STRBP: variants seen among roughly 807,000 people sequenced by gnomAD.
The protein encoded by STRBP is spermatid perinuclear RNA-binding protein.
Under a neutral mutation model 80.1 loss-of-function variants are expected in STRBP, and 13 were observed. The ratio of observed to expected loss-of-function variants is 0.16; its 90% confidence interval spans 0.11 to 0.26. The LOEUF is 0.26. Ranked by LOEUF, STRBP falls within the 10% of genes least tolerant of loss-of-function variation. The pLI, the probability that STRBP is intolerant of heterozygous loss-of-function variation, is 1.00. For synonymous variants in STRBP, 284 were observed against 291.2 expected, an observed-to-expected ratio of 0.98 and a Z score of 0.25; for missense variants, 485 against 815.2, an observed-to-expected ratio of 0.59 and a Z score of 4.93.
chr9:123,117,293 A>T (rs2035661511), downstream of STRBP, among the ~76,000 whole-genome samples: 1 of 152,148 alleles, frequency 6.6e-6, no homozygotes, highest in African/African-American at 2.4e-5. Flanking sequence ...GCCCAGAAAG[A>T]GGATGACTTG....
At chr9:123,189,495 C>T (rs903531525) in intron 2 of STRBP, among the ~76,000 whole-genome samples, 17 of 150,268 alleles carry the variant, frequency 1.1e-4, no homozygotes, top group African/African-American at 3.9e-4. Context: ...GGCACGTATA[C>T]ACCATGGAAT....
At chr9:123,141,390 A>C (rs912234462) in intron 13 of STRBP, among the ~76,000 whole-genome samples, 1 of 152,192 alleles carries the variant, frequency 6.6e-6, no homozygotes. Flanking sequence ...GTGCTCAGGT[A>C]ATACTTTACA....
At chr9:123,202,905 T>C (rs1028277002) in intron 2 of STRBP, among the ~76,000 whole-genome samples, 4 of 152,202 alleles carry the variant, frequency 2.6e-5, no homozygotes, top group African/African-American at 4.8e-5. Context: ...TGATGACTTT[T>C]AACCACGTCC....
chr9:123,261,100 A>C (rs1346993541), intron 1 of STRBP, among the ~76,000 whole-genome samples: 2 of 152,194 alleles, frequency 1.3e-5, no homozygotes, highest in African/African-American at 4.8e-5. Context: ...TATAGTACCA[A>C]TAACGTTCTT....
chr9:123,187,378 G>A (rs2038741015), intron 2 of STRBP, among the ~76,000 whole-genome samples: 1 of 151,902 alleles, frequency 6.6e-6, no homozygotes, highest in African/African-American at 2.4e-5. Flanking sequence ...CCCATGAAAT[G>A]GGCTGACTAG....
intron 14 of STRBP, among the ~76,000 whole-genome samples, chr9:123,139,224 G>A (rs1421360152): frequency 1.3e-5 from 2 of 152,160 alleles, no homozygotes; most frequent in African/African-American, 2.4e-5. Flanking sequence ...ATTGGAAGCA[G>A]CTTCCATGGC....
At chr9:123,193,654 A>G (rs945915236) in intron 2 of STRBP, among the ~76,000 whole-genome samples, 1 of 151,890 alleles carries the variant, frequency 6.6e-6, no homozygotes. Flanking sequence ...TATTTTAGAC[A>G]AACACGCCCC....
downstream of STRBP, chr9:123,109,544 T>A (rs1308972981): frequency 1.3e-5 from 2 of 152,346 alleles, no homozygotes; most frequent in South Asian, 4.1e-4. Context: ...ATGGGGAGAA[T>A]GCAACATGTC....
intron 1 of STRBP, among the ~76,000 whole-genome samples, chr9:123,260,455 C>A (rs2041136892): frequency 6.6e-6 from 1 of 152,160 alleles, no homozygotes. Flanking sequence ...AAAATAACTT[C>A]ATGAGGCATT....
chr9:123,130,966 C>A (rs2036112455), intron 17 of STRBP, among the ~76,000 whole-genome samples: 1 of 151,982 alleles, frequency 6.6e-6, no homozygotes, highest in African/African-American at 2.4e-5. Flanking sequence ...CTTCAGTAGC[C>A]CTTTTTTAAC....
At chr9:123,164,835 A>G (rs563388170) in intron 6 of STRBP, among the ~76,000 whole-genome samples, 50 of 152,312 alleles carry the variant, frequency 3.3e-4, no homozygotes, top group African/African-American at 1.2e-3. Context: ...ACCACTGTCC[A>G]TGCAAAACAC....
chr9:123,246,317 A>T (rs1352614089), intron 1 of STRBP, among the ~76,000 whole-genome samples: 2 of 152,216 alleles, frequency 1.3e-5, no homozygotes, highest in Non-Finnish European at 2.9e-5. Flanking sequence ...ACATAAGAAC[A>T]CCATATACAC....
At chr9:123,157,946 G>T in intron 11 of STRBP, 66 bp downstream of exon 11, 1 of 1,140,276 alleles carries the variant, frequency 8.8e-7, no homozygotes, top group Non-Finnish European at 1.3e-6. Flanking sequence ...TGTAATGAGA[G>T]ATGAATCCCA....
intron 1 of STRBP, among the ~76,000 whole-genome samples, chr9:123,240,863 T>C (rs1321147848): frequency 6.6e-6 from 1 of 152,172 alleles, no homozygotes; most frequent in Non-Finnish European, 1.5e-5. Context: ...GTATATCCAA[T>C]TGATGGCAAA....
chr9:123,254,724 G>A (rs1044463141), intron 1 of STRBP, among the ~76,000 whole-genome samples: 3 of 152,134 alleles, frequency 2.0e-5, no homozygotes, highest in African/African-American at 7.2e-5. Context: ...CTCCGGTGAG[G>A]TGAAAAATAT....
chr9:123,240,238 G>A (rs1037502739), intron 1 of STRBP, among the ~76,000 whole-genome samples: 108 of 151,992 alleles, frequency 7.1e-4, no homozygotes, highest in African/African-American at 2.5e-3. Context: ...CATTATGCTA[G>A]ACCCAGAGTA....
chr9:123,222,614 C>T (rs944245622), intron 2 of STRBP, among the ~76,000 whole-genome samples: 6 of 152,134 alleles, frequency 3.9e-5, no homozygotes, highest in African/African-American at 7.2e-5. Flanking sequence ...AACAATTCTA[C>T]GGCCACTGAT....
At chr9:123,200,762 T>TTTTA (rs1554762956) in intron 2 of STRBP, among the ~76,000 whole-genome samples, 1 of 133,554 alleles carries the variant, frequency 7.5e-6, no homozygotes, top group African/African-American at 2.9e-5. Flanking sequence ...TTTTTTTTTT[T>TTTTA]AGTAGAGACC....
chr9:123,239,835 C>G (rs894967496), intron 1 of STRBP, among the ~76,000 whole-genome samples: 1 of 152,150 alleles, frequency 6.6e-6, no homozygotes, highest in Non-Finnish European at 1.5e-5. Flanking sequence ...CCACCTGACA[C>G]GAGAAGTACT....
Sources: allele counts gnomAD v4.1 joint callset (sites outside exome capture counted in the v4.1 genomes callset), GRCh38; gene constraint gnomAD v4.1.1; transcripts MANE v1.5; gene names NCBI Gene and HGNC (gene_info 2026-07-23, HGNC 2026-07-21).